PCNX2: variants seen among roughly 807,000 people sequenced by gnomAD.
PCNX2 encodes pecanex 2.
PCNX2 carries 168 observed loss-of-function variants against 223.8 expected under a neutral mutation model. That is an observed-to-expected ratio of 0.75 (90% CI 0.66 to 0.85). PCNX2 has a LOEUF of 0.85. Ranked by LOEUF, PCNX2 falls within the 40% of genes least tolerant of loss-of-function variation. The probability of loss-of-function intolerance (pLI) is 0.00; values close to 1 mark genes in which losing one functional copy is unlikely to be tolerated. For missense variants in PCNX2, 2,507 were observed against 2,675.5 expected (o/e 0.94, Z 1.39); for synonymous variants, 1,006 against 1,052.6 (o/e 0.96, Z 0.86).
intron 1 of PCNX2, chr1:233,293,975 G>C (rs1015258431): frequency 1.0e-6 from 1 of 985,158 alleles, no homozygotes; most frequent in African/African-American, 1.7e-5. Flanking sequence ...CGGAGAATCA[G>C]AAAGAAGAAA....
Position 233,261,154 on chromosome 1 carries a change from C to G in PCNX2, c.517+131G>C. 6.3e-6 allele frequency: 5 copies of G among 799,742 alleles called. No individual in the cohort carries two copies. The East Asian group carries it at 1.4e-4, about 22-fold the overall frequency. The allele number at this position is 799,742 out of a possible 1,614,324, so 49.5% of individuals were successfully genotyped here. A position where few individuals can be genotyped will look rare whatever the true frequency, so the allele number is the denominator to read the frequency against. On this transcript the variant is annotated intron_variant, in intron 4 of 33. Transcript: ENST00000258229. Reference sequence around the variant, plus strand: ...AAATTAAGAGTTAAAGAAACAAAGTCAAAATATAACTATGCAGTCTTAGGT... The same window carrying G: ...AAATTAAGAGTTAAAGAAACAAAGTGAAAATATAACTATGCAGTCTTAGGT...
intron 17 of PCNX2, chr1:233,167,672 A>G: frequency 1.1e-6 from 1 of 893,330 alleles, no homozygotes; most frequent in Non-Finnish European, 1.3e-6. Flanking sequence ...ACATTGTGTT[A>G]TATACTTTAA....
At chr1:233,233,438 G>GTGTGTGTA (rs1658192297) in intron 9 of PCNX2, among the ~76,000 whole-genome samples, 1 of 150,636 alleles carries the variant, frequency 6.6e-6, no homozygotes, top group African/African-American at 2.4e-5. Flanking sequence ...GTGTGTGTGT[G>GTGTGTGTA]TGTGTGTGTG....
At chr1:233,324,840 C>T in the PCNX2 span, among the ~76,000 whole-genome samples, 291 of 152,190 alleles carry the variant, frequency 1.9e-3, 2 homozygotes, top group African/African-American at 6.6e-3. Context: ...CTGCCCACCT[C>T]GGCCTCCCAA....
At chr1:233,035,806 T>G (rs1401245624) in intron 25 of PCNX2, among the ~76,000 whole-genome samples, 1 of 152,204 alleles carries the variant, frequency 6.6e-6, no homozygotes, top group African/African-American at 2.4e-5. Context: ...AGCAGTTTAC[T>G]TCCACAGCCC....
chr1:233,217,030 C>T (rs61823927), intron 12 of PCNX2, among the ~76,000 whole-genome samples: 1 of 151,732 alleles, frequency 6.6e-6, no homozygotes, highest in Non-Finnish European at 1.5e-5. Flanking sequence ...ATAGAAAAAG[C>T]GAATAGAATG....
intron 28 of PCNX2, among the ~76,000 whole-genome samples, chr1:233,004,955 C>G (rs113948767): frequency 2.0e-5 from 3 of 152,086 alleles, no homozygotes; most frequent in Non-Finnish European, 4.4e-5. Flanking sequence ...TTTCTGGGGC[C>G]GTGAGCTTTA....
chr1:233,243,422 A>C (rs1176199956), intron 8 of PCNX2, among the ~76,000 whole-genome samples: 2 of 152,210 alleles, frequency 1.3e-5, no homozygotes, highest in Non-Finnish European at 2.9e-5. Context: ...TCCAAGTTCA[A>C]AATCAAAGTT....
chr1:233,143,105 T>C (rs1248107032), intron 19 of PCNX2, among the ~76,000 whole-genome samples: 1 of 152,216 alleles, frequency 6.6e-6, no homozygotes, highest in Non-Finnish European at 1.5e-5. Flanking sequence ...AATAGCTTCA[T>C]CTGATGTCCC....
rs151010118 is a variant in PCNX2 at position 232,998,475 on chromosome 1, A to G, written c.5604-37T>C. On this transcript the variant is annotated intron_variant, in intron 31 of 33. Coordinates refer to ENST00000258229, the MANE Select transcript of PCNX2 (RefSeq NM_014801.4). ...AGAAGTCCTTTGAGGATTCTCAGCAACACACTTCCAATCCCCCTAAATGCA... is the reference window on the plus strand; with the variant it reads ...AGAAGTCCTTTGAGGATTCTCAGCAGCACACTTCCAATCCCCCTAAATGCA... 472 of 1,597,278 alleles carry G rather than the reference A, an allele frequency of 3.0e-4. No homozygotes were observed. The African/African-American group carries it at 5.6e-3, about 19-fold the overall frequency.
intron 10 of PCNX2, among the ~76,000 whole-genome samples, chr1:233,224,085 A>T (rs1013056141): frequency 4.6e-5 from 7 of 152,160 alleles, no homozygotes; most frequent in Admixed American, 4.6e-4. Context: ...ATCACTCCAT[A>T]CCCAGTGCCC....
the PCNX2 span, among the ~76,000 whole-genome samples, chr1:233,319,673 G>A: frequency 2.8e-4 from 42 of 152,262 alleles, no homozygotes; most frequent in Non-Finnish European, 4.9e-4. Context: ...GTGCTTTATC[G>A]GCAGAGTTTA....
At chr1:232,984,659 G>A (rs527452682) in intron 33 of PCNX2, 182 bp from the exon 34 acceptor site, 8 of 597,378 alleles carry the variant, frequency 1.3e-5, no homozygotes, top group East Asian at 3.2e-5. Context: ...AGGACAGGAC[G>A]GGCAACTGAA....
At chr1:233,322,777 C>T in the PCNX2 span, among the ~76,000 whole-genome samples, 1 of 152,030 alleles carries the variant, frequency 6.6e-6, no homozygotes, top group Non-Finnish European at 1.5e-5. Context: ...TGCCCCAGCA[C>T]TTCCCCACCC....
rs1571997895 is a variant in PCNX2 at position 233,001,447 on chromosome 1, C to CCAG, written c.5097+87_5097+89dup. Reference sequence around the variant, plus strand: ...TGAGCCGAGATTGTGCCATTGCACCCCAGCCTGGGCAACAAGAGCGAAACT... The same window carrying CCAG: ...TGAGCCGAGATTGTGCCATTGCACCCCAGCAGCCTGGGCAACAAGAGCGAAACT... On this transcript the variant is annotated intron_variant, in intron 29 of 33. Transcript: ENST00000258229. This position sits in a 1 kb window ranked among gnomAD's most constrained non-coding sequence, Gnocchi z 4.2. 4 of 905,296 alleles carry CCAG rather than the reference C, an allele frequency of 4.4e-6. No individual in the cohort carries two copies. In the East Asian group the frequency reaches 2.6e-4, roughly 59 times the overall value. 56.1% of individuals were successfully genotyped at this position (905,296 alleles called of 1,614,324 possible).
upstream of PCNX2, among the ~76,000 whole-genome samples, chr1:233,296,002 CT>C (rs61285792): frequency 1.0e-4 from 14 of 134,522 alleles, no homozygotes; most frequent in East Asian, 4.4e-4. Flanking sequence ...TTCTTTCTTT[CT>C]TTTTTTTTTT....
chr1:233,196,130 G>A (rs1019594827), intron 15 of PCNX2, among the ~76,000 whole-genome samples: 12 of 151,980 alleles, frequency 7.9e-5, no homozygotes, highest in African/African-American at 1.7e-4. Flanking sequence ...ATAATTCAAC[G>A]GAGAAAGGTT....
intron 1 of PCNX2, among the ~76,000 whole-genome samples, chr1:233,288,149 T>G (rs1661551818): frequency 6.6e-6 from 1 of 151,158 alleles, no homozygotes; most frequent in South Asian, 2.1e-4. Flanking sequence ...TGTTTAAAAT[T>G]TACCATTTAG....
intron 8 of PCNX2, among the ~76,000 whole-genome samples, chr1:233,238,236 T>G (rs998902793): frequency 3.7e-4 from 56 of 152,308 alleles, no homozygotes; most frequent in African/African-American, 1.2e-3. Context: ...ACAGGCTCCT[T>G]AAGAATGCAG....
Sources: gnomAD v4.1 joint callset for allele counts (sites outside exome capture counted in the v4.1 genomes callset) on GRCh38, gnomAD v4.1.1 for gene constraint, Gnocchi (gnomAD v3.1) non-coding constraint, MANE v1.5 for transcripts, NCBI Gene and HGNC (gene_info 2026-07-23, HGNC 2026-07-21) for gene names.